The following SHPRH variants were observed in gnomAD, a reference collection of about 807,000 sequenced individuals.
SHPRH encodes the protein E3 ubiquitin-protein ligase SHPRH.
SHPRH carries 106 observed loss-of-function variants against 202.5 expected under a neutral mutation model. The ratio of observed to expected loss-of-function variants is 0.52; its 90% CI spans 0.45 to 0.62. SHPRH has a LOEUF of 0.62. Among genes scored for constraint, SHPRH ranks in the 20% least tolerant of loss-of-function variants. SHPRH has a pLI of 0.00. For synonymous variants in SHPRH, 729 were observed against 686.0 expected (o/e 1.06, Z -0.98); for missense variants, 1,710 against 2,020.0 (o/e 0.85, Z 2.94).
chr6:145,916,169 A>G (rs1783933241), intron 23 of SHPRH, among the ~76,000 whole-genome samples: 1 of 152,080 alleles, frequency 6.6e-6, no homozygotes, highest in African/African-American at 2.4e-5. Context: ...GCAGTTCTAT[A>G]ATGTTCATTT....
chr6:145,939,267 C>G (rs1786471686), intron 11 of SHPRH, among the ~76,000 whole-genome samples: 1 of 152,186 alleles, frequency 6.6e-6, no homozygotes, highest in Admixed American at 6.5e-5. Flanking sequence ...TCTTTTGGAG[C>G]TGACTTGGAA....
chr6:145,949,209 G>T (rs1183912320), intron 4 of SHPRH, among the ~76,000 whole-genome samples: 1 of 151,946 alleles, frequency 6.6e-6, no homozygotes, highest in African/African-American at 2.4e-5. Flanking sequence ...ACACTACTGG[G>T]TATCTACCCA....
At chr6:145,913,979 AATAATGTATGT>A (rs1326474213) in intron 23 of SHPRH, among the ~76,000 whole-genome samples, 1 of 152,212 alleles carries the variant, frequency 6.6e-6, no homozygotes, top group African/African-American at 2.4e-5. Flanking sequence ...TAAGTAAATC[AATAATGTATGT>A]ATATATTTGC....
intron 25 of SHPRH, chr6:145,909,298 T>A (rs760666010): frequency 1.3e-5 from 2 of 152,044 alleles, no homozygotes; most frequent in African/African-American, 2.4e-5. Flanking sequence ...ACCATATCTG[T>A]TTTATTTATG....
At chr6:145,887,988 C>T (rs752264748) in intron 29 of SHPRH, 32 bp downstream of exon 29, 4 of 1,509,394 alleles carry the variant, frequency 2.7e-6, no homozygotes, top group South Asian at 1.1e-5. Context: ...GGAAAACCTT[C>T]CCCCTTCTAC....
Position 145,886,316 on chromosome 6 carries a change from A to G in SHPRH, c.*375T>C. The G allele has an allele frequency of 1.7e-6, 1 of 578,842 alleles. No homozygotes were observed. The highest frequency in any genetic ancestry group is 2.2e-5 in the South Asian group (1 of 44,454). The allele number at this position is 578,842 out of a possible 1,614,324, so 35.9% of individuals were successfully genotyped here. On this transcript the variant is annotated 3_prime_UTR_variant, in exon 30 of 30. Coordinates refer to ENST00000275233, the MANE Select transcript of SHPRH (RefSeq NM_001042683.3). The stretch of plus-strand genomic sequence containing the variant: ...CCAAAACTGAGATCTATGTTTGTTC[A>G]ATATACCAGGTCATATAAAACTAGA...
intron 13 of SHPRH, among the ~76,000 whole-genome samples, chr6:145,933,628 T>C (rs1785707223): frequency 2.0e-5 from 3 of 152,216 alleles, no homozygotes; most frequent in Admixed American, 2.0e-4. Context: ...ATAAATTGTT[T>C]TCGGACTCTA....
intron 11 of SHPRH, among the ~76,000 whole-genome samples, chr6:145,940,317 T>G (rs949118550): frequency 4.6e-5 from 7 of 152,142 alleles, no homozygotes; most frequent in African/African-American, 1.4e-4. Context: ...TCCATTTTCA[T>G]AGACACAGTT....
At chr6:145,921,085 G>T in intron 21 of SHPRH, 82 bp downstream of exon 21, 1 of 1,214,404 alleles carries the variant, frequency 8.2e-7, no homozygotes, top group Non-Finnish European at 1.1e-6. Flanking sequence ...TTAAAAAACT[G>T]GAGAGAGAAA....
chr6:145,952,295 A>G, intron 3 of SHPRH, 54 bp downstream of exon 3: 1 of 1,501,022 alleles, frequency 6.7e-7, no homozygotes, highest in South Asian at 1.3e-5. Flanking sequence ...GGTTAGAGGA[A>G]AAAACTCACA....
chr6:145,936,519 G>A (rs754585854), intron 11 of SHPRH, among the ~76,000 whole-genome samples: 4 of 151,732 alleles, frequency 2.6e-5, no homozygotes, highest in Non-Finnish European at 5.9e-5. Context: ...TAGAGACAGG[G>A]CTTCCCTATG....
In SHPRH at chr6:145,924,806, G is replaced by C. The variant is rs1194727387; in HGVS notation, c.3335C>G (p.Thr1112Arg). 1 of 1,611,716 alleles carries C rather than the reference G, an allele frequency of 6.2e-7. No individual in the cohort carries two copies. Among genetic ancestry groups the C allele is most frequent in the East Asian group, 2.2e-5 (1 of 44,830 alleles). Residue 1112 changes from threonine to arginine, a missense_variant, in exon 17 of 30, where the codon ACA (threonine) becomes AGA (arginine). Coordinates refer to ENST00000275233, the MANE Select transcript of SHPRH (RefSeq NM_001042683.3). ...AGCTTGCTGGGCTTCAGCAACTTCT[G>C]TATTACACTTGCTCATGTAGTGCTC... ...LREHYMSKCNTEVAEAQQALY... is the reference protein window; with the variant it reads ...LREHYMSKCNREVAEAQQALY...
intron 2 of SHPRH, chr6:145,877,714 C>G (rs1160291382): frequency 1.3e-5 from 2 of 152,230 alleles, no homozygotes; most frequent in African/African-American, 4.8e-5. Context: ...CCTACCCTCT[C>G]TCTGAAGTCT....
intron 26 of SHPRH, among the ~76,000 whole-genome samples, 185 bp downstream of exon 26, chr6:145,894,700 T>C (rs1781860012): frequency 6.6e-6 from 1 of 152,008 alleles, no homozygotes; most frequent in Non-Finnish European, 1.5e-5. Flanking sequence ...GCTATACAAA[T>C]TGCCTTGTGA....
At chr6:145,880,970 T>TA (rs942262706), downstream of SHPRH, among the ~76,000 whole-genome samples, 3 of 152,236 alleles carry the variant, frequency 2.0e-5, no homozygotes, top group African/African-American at 7.2e-5. Context: ...TCTCCAAACT[T>TA]ATTTAATTAC....
intron 24 of SHPRH, 138 bp from the exon 25 acceptor site, chr6:145,910,774 C>T (rs943611375): frequency 2.8e-5 from 23 of 824,328 alleles, no homozygotes; most frequent in Non-Finnish European, 3.7e-5. Context: ...CAAGTTGTGC[C>T]TTCAAATTAA....
At chr6:145,955,689 C>T (rs376952227) in intron 1 of SHPRH, among the ~76,000 whole-genome samples, 1 of 151,736 alleles carries the variant, frequency 6.6e-6, no homozygotes, top group African/African-American at 2.4e-5. Context: ...ATTTAACTGC[C>T]CCTCAGAACA....
At chr6:145,870,477 T>C (rs923976506) in intron 2 of SHPRH, among the ~76,000 whole-genome samples, 11 of 152,184 alleles carry the variant, frequency 7.2e-5, no homozygotes, top group Non-Finnish European at 1.5e-4. Flanking sequence ...TTAGCCAGGA[T>C]AGTCTTGATC....
chr6:145,934,362 G>A (rs994182312), intron 13 of SHPRH, among the ~76,000 whole-genome samples: 2 of 151,830 alleles, frequency 1.3e-5, no homozygotes, highest in Non-Finnish European at 2.9e-5. Flanking sequence ...GGTACTTGGA[G>A]GGGTGGGGCA....
Sources: gnomAD v4.1 joint callset for allele counts (sites outside exome capture counted in the v4.1 genomes callset) on GRCh38, gnomAD v4.1.1 for gene constraint, MANE v1.5 for transcripts, NCBI Gene and HGNC (gene_info 2026-07-23, HGNC 2026-07-21) for gene names.